Variants in SPP1 observed in about 807,000 individuals in gnomAD.
The protein encoded by SPP1 is osteopontin.
Under a neutral mutation model 20.8 loss-of-function variants are expected in SPP1, and 18 were observed. That is an observed-to-expected ratio of 0.87 (90% confidence interval 0.60 to 1.29). The LOEUF (loss-of-function observed/expected upper bound fraction) is 1.29, where lower values mean the gene tolerates loss of function less well. SPP1 is among the 50% of genes most tolerant of loss of function. The pLI, the probability that SPP1 is intolerant of heterozygous loss-of-function variation, is 0.00. For synonymous variants in SPP1, 146 were observed against 141.5 expected, an observed-to-expected ratio of 1.03 and a Z score of -0.23; for missense variants, 363 against 389.0, an observed-to-expected ratio of 0.93 and a Z score of 0.56.
intron 3 of SPP1, among the ~76,000 whole-genome samples, chr4:87,978,612 G>C (rs1490141776): frequency 6.6e-6 from 1 of 152,030 alleles, no homozygotes; most frequent in East Asian, 1.9e-4. Flanking sequence ...TCCATCTCCT[G>C]ACCTCGTGAT....
In SPP1 at chr4:87,981,740, A is replaced by T; in HGVS notation, c.482A>T (p.Asp161Val). Reference sequence around the variant, plus strand: ...GTAGACACATATGATGGCCGAGGTGATAGTGTGGTTTATGGACTGAGGTCA... The same window carrying T: ...GTAGACACATATGATGGCCGAGGTGTTAGTGTGGTTTATGGACTGAGGTCA... The part of the protein sequence containing the change: ...PTVDTYDGRG[D>V]SVVYGLRSKS... The change falls in exon 6 of 7, where the codon GAT becomes GTT. Residue 161 changes from aspartate to valine, a missense_variant. Coordinates refer to ENST00000395080, the MANE Select transcript of SPP1 (RefSeq NM_001040058.2). 1 of 1,614,186 alleles carries T rather than the reference A, an allele frequency of 6.2e-7. No individual in the cohort carries two copies. Among genetic ancestry groups the T allele is most frequent in the Non-Finnish European group, 8.5e-7 (1 of 1,180,036 alleles).
At chr4:87,981,454 C>T in intron 5 of SPP1, 21 bp from the exon 6 acceptor site, 3 of 1,604,140 alleles carry the variant, frequency 1.9e-6, no homozygotes, top group Non-Finnish European at 2.6e-6. Context: ...TATTAATTTT[C>T]CCGGCCATCT....
At position 87,983,018 on chromosome 4, in the gene SPP1, G is replaced by A. The variant is rs969624672; in HGVS notation, c.*122G>A. The A allele has an allele frequency of 7.7e-6, 8 of 1,036,626 alleles. No individual in the cohort carries two copies. The African/African-American group carries it at 1.1e-4, about 15-fold the overall frequency. The allele number at this position is 1,036,626 out of a possible 1,614,324, so 64.2% of individuals were successfully genotyped here. ...TTATTGGTTGAATGTGTATCTATTTGAGTCTGGAAATAACTAATGTGTTTG... is the reference window on the plus strand; with the variant it reads ...TTATTGGTTGAATGTGTATCTATTTAAGTCTGGAAATAACTAATGTGTTTG... On this transcript the variant is annotated 3_prime_UTR_variant, in exon 7 of 7. Coordinates refer to ENST00000395080, the MANE Select transcript of SPP1 (RefSeq NM_001040058.2).
chr4:87,983,016 T>C lies in SPP1; in HGVS notation c.*120T>C, dbSNP rs1333777162. The C allele has an allele frequency of 8.6e-6, 9 of 1,049,426 alleles. No individual in the cohort carries two copies. The highest frequency in any genetic ancestry group is 1.2e-5 in the Non-Finnish European group (9 of 746,570). The allele number at this position is 1,049,426 out of a possible 1,614,324, so 65.0% of individuals were successfully genotyped here. Reference sequence around the variant, plus strand: ...GTTTATTGGTTGAATGTGTATCTATTTGAGTCTGGAAATAACTAATGTGTT... The same window carrying C: ...GTTTATTGGTTGAATGTGTATCTATCTGAGTCTGGAAATAACTAATGTGTT... On this transcript the variant is annotated 3_prime_UTR_variant, in exon 7 of 7. Transcript: ENST00000395080.
At chr4:87,980,335 T>C in intron 4 of SPP1, 58 bp from the exon 5 acceptor site, 12 of 1,602,630 alleles carry the variant, frequency 7.5e-6, no homozygotes, top group Non-Finnish European at 8.5e-6. Flanking sequence ...AGGTTAACTT[T>C]TGAATAAAAA....
chr4:87,976,736 AAAAAG>A, intron 1 of SPP1, 141 bp from the exon 2 acceptor site: 1 of 551,342 alleles, frequency 1.8e-6, no homozygotes, highest in South Asian at 3.5e-5. Flanking sequence ...CTATAATACT[AAAAAG>A]AAAAGGCATC....
intron 3 of SPP1, chr4:87,977,676 C>A: frequency 8.2e-7 from 1 of 1,225,590 alleles, no homozygotes; most frequent in South Asian, 1.5e-5. Context: ...AAAGATGTAC[C>A]TACCCCTCCA....
intron 3 of SPP1, among the ~76,000 whole-genome samples, chr4:87,978,408 T>TTC: frequency 6.9e-6 from 1 of 144,424 alleles, no homozygotes; most frequent in Admixed American, 6.9e-5. Flanking sequence ...TTTTTTTTTT[T>TTC]TTTTTGAGAC....
chr4:87,982,201 T>C (rs1448217773), intron 6 of SPP1, among the ~76,000 whole-genome samples: 1 of 152,174 alleles, frequency 6.6e-6, no homozygotes, highest in Non-Finnish European at 1.5e-5. Context: ...TACTATTCTC[T>C]TTACTTTTTA....
intron 3 of SPP1, 78 bp from the exon 4 acceptor site, chr4:87,979,968 T>G (rs1369555073): frequency 7.1e-7 from 1 of 1,400,412 alleles, no homozygotes; most frequent in Non-Finnish European, 1.0e-6. Context: ...CCATCAAGAC[T>G]AGTGAAGAAT....
At chr4:87,979,845 A>G (rs1725573037) in intron 3 of SPP1, among the ~76,000 whole-genome samples, 1 of 151,918 alleles carries the variant, frequency 6.6e-6, no homozygotes, top group Non-Finnish European at 1.5e-5. Flanking sequence ...TTGTAAAGCA[A>G]TTTGAAAGAG....
chr4:87,980,228 T>A (rs1179896812), intron 4 of SPP1, 102 bp downstream of exon 4: 1 of 1,490,876 alleles, frequency 6.7e-7, no homozygotes, highest in Non-Finnish European at 9.3e-7. Flanking sequence ...CTGGCAAACA[T>A]GTGCTTAGGA....
intron 3 of SPP1, among the ~76,000 whole-genome samples, chr4:87,978,855 A>G (rs1033736279): frequency 6.6e-6 from 1 of 151,998 alleles, no homozygotes; most frequent in African/African-American, 2.4e-5. Context: ...ACTCTGTGCA[A>G]CCCCCAGAGT....
Position 87,980,094 on chromosome 4 carries a change from C to G in SPP1, c.142C>G (p.Pro48Ala). ...TGTGGCCACATGGCTAAACCCTGAC[C>G]CATCTCAGAAGCAGAATCTCCTAGC... ...DAVATWLNPD[P>A]SQKQNLLAPQ... Residue 48 changes from proline to alanine, a missense_variant, in exon 4 of 7, where the codon CCA becomes GCA. Pro to Ala is a conservative substitution (Grantham distance 27, BLOSUM62 -1). Coordinates refer to ENST00000395080, the MANE Select transcript of SPP1 (RefSeq NM_001040058.2). The G allele has an allele frequency of 1.2e-6, 2 of 1,614,084 alleles. No homozygotes were observed.
intron 3 of SPP1, chr4:87,977,702 T>A (rs751871902): frequency 1.6e-6 from 2 of 1,271,260 alleles, no homozygotes; most frequent in Non-Finnish European, 1.0e-6. Context: ...GATGAAACTG[T>A]GCCAGCCAAA....
rs1444082583 is a variant in SPP1 at position 87,981,566 on chromosome 4, T to C, written c.308T>C (p.Ile103Thr). Residue 103 changes from isoleucine to threonine, a missense_variant, in exon 6 of 7, where the codon ATT becomes ACT. Coordinates refer to ENST00000395080, the MANE Select transcript of SPP1 (RefSeq NM_001040058.2). The part of the protein sequence containing the change: ...DDDHVDSQDS[I>T]DSNDSDDVDD... ...GACCATGTGGACAGCCAGGACTCCA[T>C]TGACTCGAACGACTCTGATGATGTA... 2.5e-6 allele frequency: 4 copies of C among 1,614,014 alleles called. No individual in the cohort carries two copies. Among genetic ancestry groups the C allele is most frequent in the East Asian group, 4.5e-5 (2 of 44,882 alleles).
intron 6 of SPP1, 95 bp from the exon 7 acceptor site, chr4:87,982,397 A>G (rs1560583694): frequency 1.4e-6 from 2 of 1,433,056 alleles, no homozygotes; most frequent in Admixed American, 2.5e-5. Context: ...AATTTTTAGT[A>G]TAAGATGACC....
intron 4 of SPP1, 93 bp downstream of exon 4, chr4:87,980,219 T>A: frequency 2.0e-6 from 3 of 1,488,180 alleles, no homozygotes; most frequent in Non-Finnish European, 2.8e-6. Flanking sequence ...GCCTGCCTGC[T>A]GGCAAACATG....
intron 5 of SPP1, 144 bp from the exon 6 acceptor site, chr4:87,981,328 TTAG>T: frequency 1.6e-6 from 1 of 632,702 alleles, no homozygotes; most frequent in South Asian, 2.4e-5. Context: ...GATGCTCACT[TTAG>T]CTCCTAAAAG....
Sources: gnomAD v4.1 joint callset for allele counts (sites outside exome capture counted in the v4.1 genomes callset) on GRCh38, gnomAD v4.1.1 for gene constraint, MANE v1.5 for transcripts, NCBI Gene and HGNC (gene_info 2026-07-23, HGNC 2026-07-21) for gene names.